Variants in ANKRD17 observed in about 807,000 individuals in gnomAD.
ANKRD17 encodes ankyrin repeat domain-containing protein 17.
ANKRD17 carries 19 observed loss-of-function variants against 229.7 expected under a neutral mutation model. That is an observed-to-expected ratio of 0.08 (90% CI 0.06 to 0.12). ANKRD17 has a LOEUF of 0.12. Ranked by LOEUF, ANKRD17 falls within the 10% of genes least tolerant of loss-of-function variation. ANKRD17 has a pLI of 1.00. For missense variants in ANKRD17, 2,176 were observed against 3,176.8 expected, an observed-to-expected ratio of 0.68 and a Z score of 7.57; for synonymous variants, 1,112 against 1,146.1, an observed-to-expected ratio of 0.97 and a Z score of 0.60.
chr4:73,155,857 T>C, intron 4 of ANKRD17, 79 bp from the exon 5 acceptor site: 2 of 1,517,194 alleles, frequency 1.3e-6, no homozygotes, highest in Non-Finnish European at 1.8e-6. Context: ...ATATAACGTC[T>C]ACCTAGTCAT....
At chr4:73,093,938 T>A in intron 28 of ANKRD17, 141 bp downstream of exon 28, 2 of 774,620 alleles carry the variant, frequency 2.6e-6, no homozygotes, top group East Asian at 2.7e-5. Flanking sequence ...ATAAAATTTA[T>A]CTTCTCAAAC....
At chr4:73,222,383 A>G (rs1560752582) in intron 1 of ANKRD17, among the ~76,000 whole-genome samples, 1 of 152,196 alleles carries the variant, frequency 6.6e-6, no homozygotes, top group Admixed American at 6.5e-5. Context: ...GTAATTTTGT[A>G]TTGATGTCTC....
intron 25 of ANKRD17, chr4:73,101,008 A>G (rs1378696638): frequency 1.0e-6 from 1 of 972,144 alleles, no homozygotes; most frequent in African/African-American, 1.8e-5. Context: ...AAAATACAGT[A>G]TAACAACTAT....
At chr4:73,095,465 G>GGT (rs1723189970) in intron 27 of ANKRD17, among the ~76,000 whole-genome samples, 1 of 151,682 alleles carries the variant, frequency 6.6e-6, no homozygotes, top group African/African-American at 2.4e-5. Context: ...ACCCGGGCAT[G>GGT]GTGGCATGCA....
At position 73,228,431 on chromosome 4, in the gene ANKRD17, TTAAC is replaced by T. The variant is rs547901579; in HGVS notation, c.393+29841_393+29844del. Among the ~76,000 whole-genome samples, 263 of 152,294 alleles carry T rather than the reference TTAAC, an allele frequency of 1.7e-3. 1 individual carries two copies. Among genetic ancestry groups the T allele is most frequent in the African/African-American group, 6.0e-3 (249 of 41,566 alleles). On this transcript the variant is annotated intron_variant, in intron 1 of 33. Transcript: ENST00000358602. Reference sequence around the variant, plus strand: ...CCACTATAGTTTATTTTCTTCTTTATTAACTATGATTTTTATGTAAAAGTAATAC... The same window carrying T: ...CCACTATAGTTTATTTTCTTCTTTATTATGATTTTTATGTAAAAGTAATAC...
In ANKRD17 at chr4:73,232,881, C is replaced by A. The variant is rs575539429; in HGVS notation, c.393+25395G>T. On this transcript the variant is annotated intron_variant, in intron 1 of 33. Transcript: ENST00000358602. ...TGGGATTACAGGCGCAGCTACCACG[C>A]CCAGCTAATTTTTGTATTTTTAGTA... Among the ~76,000 whole-genome samples, 933 of 152,148 alleles carry A rather than the reference C, an allele frequency of 6.1e-3. 2 individuals are homozygous for A. The highest frequency in any genetic ancestry group is 0.02 in the Middle Eastern group (6 of 294).
chr4:73,122,713 C>T (rs1179943878), intron 18 of ANKRD17, among the ~76,000 whole-genome samples: 1 of 152,110 alleles, frequency 6.6e-6, no homozygotes, highest in Non-Finnish European at 1.5e-5. Flanking sequence ...TCTTGCATCT[C>T]AGCAAAGCTA....
chr4:73,097,328 A>G, intron 26 of ANKRD17, 56 bp from the exon 27 acceptor site: 8 of 1,440,904 alleles, frequency 5.6e-6, no homozygotes, highest in Non-Finnish European at 6.5e-6. Flanking sequence ...GAATTTTTAA[A>G]TGATAAAGGT....
chr4:73,132,419 A>C (rs1170993853), intron 16 of ANKRD17, among the ~76,000 whole-genome samples: 1 of 152,154 alleles, frequency 6.6e-6, no homozygotes, highest in East Asian at 1.9e-4. Context: ...AAAACTAGTA[A>C]ATTTTAAAAA....
At chr4:73,249,455 A>T (rs1029142906) in intron 1 of ANKRD17, among the ~76,000 whole-genome samples, 2 of 152,266 alleles carry the variant, frequency 1.3e-5, no homozygotes, top group Non-Finnish European at 2.9e-5. Flanking sequence ...CAAGAAATAA[A>T]AAATGAATTT....
intron 1 of ANKRD17, among the ~76,000 whole-genome samples, chr4:73,179,221 G>T (rs192890016): frequency 1.3e-5 from 2 of 151,404 alleles, no homozygotes; most frequent in Non-Finnish European, 2.9e-5. Flanking sequence ...GCAGTTTAAC[G>T]TGGAATAACA....
At chr4:73,200,925 T>TA (rs1738580980) in intron 1 of ANKRD17, among the ~76,000 whole-genome samples, 3 of 119,436 alleles carry the variant, frequency 2.5e-5, no homozygotes, top group South Asian at 2.6e-4. Flanking sequence ...AGGCTGAACT[T>TA]AGATACCCAG....
intron 10 of ANKRD17, among the ~76,000 whole-genome samples, chr4:73,145,141 T>C (rs1730093604): frequency 6.6e-6 from 1 of 152,206 alleles, no homozygotes; most frequent in Non-Finnish European, 1.5e-5. Context: ...TGTCCTTCTC[T>C]CTACACAATG....
chr4:73,110,870 C>T, intron 24 of ANKRD17, among the ~76,000 whole-genome samples: 1 of 152,186 alleles, frequency 6.6e-6, no homozygotes, highest in Admixed American at 6.5e-5. Context: ...TCTTCATTAG[C>T]TTTTGGTTTT....
At chr4:73,118,871 T>C (rs985089922) in intron 21 of ANKRD17, 21 bp from the exon 22 acceptor site, 5 of 1,290,632 alleles carry the variant, frequency 3.9e-6, no homozygotes, top group African/African-American at 3.1e-5. Context: ...ATGACACAGA[T>C]AGCATTGTCT....
At chr4:73,191,381 G>GTGTGTT (rs1737077820) in intron 1 of ANKRD17, among the ~76,000 whole-genome samples, 1 of 150,944 alleles carries the variant, frequency 6.6e-6, no homozygotes, top group Non-Finnish European at 1.5e-5. Context: ...GTGTGTGTGT[G>GTGTGTT]TGTGTATCTC....
rs996839853 is a variant in ANKRD17, at chr4:73,169,482, A to T, written c.547+7898T>A. 6.3e-4 allele frequency among the ~76,000 whole-genome samples: 96 copies of T among 152,140 alleles called. 1 individual carries two copies. The highest frequency in any genetic ancestry group is 2.3e-3 in the African/African-American group (95 of 41,510). On this transcript the variant is annotated intron_variant, in intron 2 of 33. Transcript: ENST00000358602. ...CTAGCCACCCTGAAGGGAAAAAAAA[A>T]AGTCTGGCTGGCTTCACCACTGAGA...
chr4:73,196,640 C>T (rs1737926407), intron 1 of ANKRD17, among the ~76,000 whole-genome samples: 1 of 152,096 alleles, frequency 6.6e-6, no homozygotes, highest in African/African-American at 2.4e-5. Flanking sequence ...GTTTGTCAAG[C>T]TAAGAGTATT....
intron 1 of ANKRD17, among the ~76,000 whole-genome samples, chr4:73,199,221 C>CTGTG (rs10577503): frequency 0.015 from 2,069 of 140,454 alleles, 28 homozygotes; most frequent in Middle Eastern, 0.04. Flanking sequence ...TACAGTTTGG[C>CTGTG]TGTGTGTGTG....
Sources: allele counts gnomAD v4.1 joint callset (sites outside exome capture counted in the v4.1 genomes callset), GRCh38; gene constraint gnomAD v4.1.1; transcripts MANE v1.5; gene names NCBI Gene and HGNC (gene_info 2026-07-23, HGNC 2026-07-21).